Variants in POU2F1 observed in about 807,000 individuals in gnomAD.
POU2F1 encodes the protein POU domain, class 2, transcription factor 1.
A neutral mutation model predicts 84.9 loss-of-function variants in POU2F1; 16 were observed. The observed-to-expected ratio is 0.19, with a 90% confidence interval of 0.13 to 0.29. The LOEUF (loss-of-function observed/expected upper bound fraction) is 0.29, where lower values mean the gene tolerates loss of function less well. POU2F1 is among the 10% of genes least tolerant of loss of function. The pLI, the probability that POU2F1 is intolerant of heterozygous loss-of-function variation, is 1.00. For missense variants in POU2F1, 738 were observed against 942.6 expected, an observed-to-expected ratio of 0.78 and a Z score of 2.84; for synonymous variants, 368 against 368.3, an observed-to-expected ratio of 1.00 and a Z score of 0.01.
intron 2 of POU2F1, among the ~76,000 whole-genome samples, chr1:167,352,065 A>G (rs1489588824): frequency 1.3e-5 from 2 of 152,230 alleles, no homozygotes; most frequent in Admixed American, 6.5e-5. Context: ...TGGAGATGAC[A>G]TTGAAGGATA....
At chr1:167,301,193 C>T (rs1654678819) in intron 1 of POU2F1, among the ~76,000 whole-genome samples, 1 of 152,208 alleles carries the variant, frequency 6.6e-6, no homozygotes, top group African/African-American at 2.4e-5. Context: ...CTCTCTCTCT[C>T]TCTGAATGTT....
At chr1:167,247,036 ATATGTGTGTGTGTGTGTG>A (rs1272574663) in intron 1 of POU2F1, among the ~76,000 whole-genome samples, 5 of 143,492 alleles carry the variant, frequency 3.5e-5, no homozygotes, top group African/African-American at 1.3e-4. Flanking sequence ...GGTTATATAT[ATATGTGTGTGTGTGTGTG>A]TGTGTGTGTG....
At chr1:167,282,091 TC>T in intron 1 of POU2F1, among the ~76,000 whole-genome samples, 1 of 151,850 alleles carries the variant, frequency 6.6e-6, no homozygotes, top group East Asian at 1.9e-4. Context: ...TCATACTTAC[TC>T]CCTCAAATCT....
chr1:167,403,380 G>C (rs527421280), intron 13 of POU2F1, among the ~76,000 whole-genome samples: 48 of 152,332 alleles, frequency 3.2e-4, no homozygotes, highest in African/African-American at 7.2e-4. Context: ...AAAACTATGA[G>C]ATAATAAATT....
chr1:167,364,149 T>C (rs1041250200), intron 2 of POU2F1, among the ~76,000 whole-genome samples: 5 of 152,206 alleles, frequency 3.3e-5, no homozygotes, highest in Non-Finnish European at 7.3e-5. Context: ...TTGAAAACAA[T>C]GTATTATAAT....
At chr1:167,415,455 T>A (rs1163327350) in intron 15 of POU2F1, 45 bp from the exon 16 acceptor site, 1 of 1,579,344 alleles carries the variant, frequency 6.3e-7, no homozygotes, top group Non-Finnish European at 8.7e-7. Context: ...CAGGATGATG[T>A]TAATGTTTTC....
chr1:167,226,962 A>T (rs1403967104), intron 1 of POU2F1, among the ~76,000 whole-genome samples: 2 of 151,732 alleles, frequency 1.3e-5, no homozygotes, highest in Non-Finnish European at 2.9e-5. Flanking sequence ...CTTATTTTTA[A>T]TTTTTTTTAA....
chr1:167,248,606 A>G (rs72693612), intron 1 of POU2F1, among the ~76,000 whole-genome samples: 21,928 of 152,164 alleles, frequency 0.14, 2,157 homozygotes, highest in Admixed American at 0.26. Context: ...GAGGGAGAGG[A>G]AGAGTCAAGA....
chr1:167,380,954 T>G (rs982794273), intron 7 of POU2F1: 2 of 152,212 alleles, frequency 1.3e-5, no homozygotes, highest in African/African-American at 4.8e-5. Flanking sequence ...GTTATCTTAT[T>G]CTGCCCTATC....
chr1:167,232,087 G>A (rs550898422), intron 1 of POU2F1, among the ~76,000 whole-genome samples: 1 of 152,164 alleles, frequency 6.6e-6, no homozygotes, highest in Non-Finnish European at 1.5e-5. Context: ...TGAAAAGTGT[G>A]CCTGGCCCCT....
chr1:167,248,332 C>T (rs1650488011), intron 1 of POU2F1, among the ~76,000 whole-genome samples: 1 of 152,172 alleles, frequency 6.6e-6, no homozygotes, highest in Admixed American at 6.5e-5. Context: ...AAGGCTTTAT[C>T]GTCTAATTTC....
At chr1:167,237,137 C>T (rs956393158) in intron 1 of POU2F1, among the ~76,000 whole-genome samples, 1 of 152,140 alleles carries the variant, frequency 6.6e-6, no homozygotes, top group Non-Finnish European at 1.5e-5. Context: ...GGTGATGATA[C>T]TTGTGAACTA....
intron 6 of POU2F1, 26 bp downstream of exon 6, chr1:167,374,322 G>C: frequency 6.5e-7 from 1 of 1,538,342 alleles, no homozygotes; most frequent in Non-Finnish European, 8.7e-7. Context: ...CAATAGCTGG[G>C]GCAGCAAGTG....
chr1:167,329,171 A>C, intron 1 of POU2F1: 1 of 1,481,458 alleles, frequency 6.8e-7, no homozygotes. Flanking sequence ...TCGCTTAAGA[A>C]CATACTGTAG....
At chr1:167,373,533 T>C (rs967210160) in intron 5 of POU2F1, among the ~76,000 whole-genome samples, 2 of 152,170 alleles carry the variant, frequency 1.3e-5, no homozygotes, top group African/African-American at 2.4e-5. Flanking sequence ...GGAAAGGAGA[T>C]GTAAAGTTGC....
intron 5 of POU2F1, among the ~76,000 whole-genome samples, chr1:167,373,165 T>C (rs971398780): frequency 9.8e-5 from 15 of 152,334 alleles, no homozygotes; most frequent in Admixed American, 9.1e-4. Context: ...GCACAAATTG[T>C]GTTTGATTCT....
At chr1:167,294,172 C>CAA (rs60846607) in intron 1 of POU2F1, among the ~76,000 whole-genome samples, 2,297 of 30,898 alleles carry the variant, frequency 0.074, 155 homozygotes, top group African/African-American at 0.13. Flanking sequence ...TACTAAAATA[C>CAA]AAAAAAAAAA....
intron 1 of POU2F1, among the ~76,000 whole-genome samples, chr1:167,223,557 T>C (rs145023455): frequency 1.7e-3 from 254 of 152,324 alleles, no homozygotes; most frequent in Non-Finnish European, 2.7e-3. Context: ...TTTGAAATTA[T>C]GTTAAGACAT....
intron 14 of POU2F1, 68 bp downstream of exon 14, chr1:167,412,372 A>G (rs1650028617): frequency 2.3e-6 from 3 of 1,322,334 alleles, no homozygotes; most frequent in Non-Finnish European, 2.0e-6. Flanking sequence ...CACAGGGGAG[A>G]CTTTACATCA....
Sources: allele counts gnomAD v4.1 joint callset (sites outside exome capture counted in the v4.1 genomes callset), GRCh38; gene constraint gnomAD v4.1.1; transcripts MANE v1.5; gene names NCBI Gene and HGNC (gene_info 2026-07-23, HGNC 2026-07-21).